Variants in TPH1 observed in about 807,000 individuals in gnomAD.
The protein encoded by TPH1 is tryptophan 5-hydroxylase 1.
Under a neutral mutation model 49.5 loss-of-function variants are expected in TPH1, and 37 were observed. The ratio of observed to expected loss-of-function variants is 0.75; its 90% confidence interval spans 0.58 to 0.98. The LOEUF is 0.98. Among genes scored for constraint, TPH1 ranks in the 50% least tolerant of loss-of-function variants. The pLI, the probability that TPH1 is intolerant of heterozygous loss-of-function variation, is 0.00. For missense variants in TPH1, 487 were observed against 523.6 expected (o/e 0.93, Z 0.68); for synonymous variants, 160 against 182.1 (o/e 0.88, Z 0.98).
chr11:18,025,518 C>T lies in TPH1; in HGVS notation c.930+57G>A, dbSNP rs1257139809. The T allele has an allele frequency of 5.0e-6, 8 of 1,610,206 alleles. No homozygotes were observed. In the East Asian group the frequency reaches 1.6e-4, roughly 31 times the overall value. On this transcript the variant is annotated intron_variant, in intron 8 of 10. Transcript: ENST00000682019. ...ATTCTGAATATGTACTTTTAAACTA[C>T]ACAGATACTCATACACCCTACCCCA...
intron 8 of TPH1, among the ~76,000 whole-genome samples, chr11:18,025,326 T>C (rs1048272822): frequency 1.1e-4 from 16 of 152,158 alleles, no homozygotes; most frequent in African/African-American, 3.9e-4. Context: ...AAACAAATTT[T>C]CTTTTCCTTT....
chr11:18,021,880 T>G (rs1326818943), intron 10 of TPH1, among the ~76,000 whole-genome samples: 1 of 152,170 alleles, frequency 6.6e-6, no homozygotes, highest in East Asian at 1.9e-4. Flanking sequence ...TGAGGACAAC[T>G]ATACATCAGT....
In TPH1 at chr11:18,025,646, C is replaced by A. The variant is rs1177581550; in HGVS notation, c.859G>T (p.Ala287Ser). The change falls in exon 8 of 11, where the codon GCC (alanine) becomes TCC (serine). Residue 287 changes from alanine to serine, a missense_variant. Physicochemically the swap from Ala to Ser is moderately conservative, Grantham distance 99. Transcript: ENST00000682019. ...AAGCCAATTTCTTGGGAGAATTGGG[C>A]AAAACTAGGTTCAGCCAAAAGCGGG... The part of the protein sequence containing the change: ...HVPLLAEPSF[A>S]QFSQEIGLAS... The A allele has an allele frequency of 3.1e-6, 5 of 1,613,914 alleles. No homozygotes were observed. The highest frequency in any genetic ancestry group is 1.7e-6 in the Non-Finnish European group (2 of 1,179,916).
intron 6 of TPH1, among the ~76,000 whole-genome samples, chr11:18,027,396 T>A (rs1036726248): frequency 1.3e-5 from 2 of 152,262 alleles, no homozygotes; most frequent in Admixed American, 6.5e-5. Flanking sequence ...TGCTGTCCGG[T>A]AAGGCAACTA....
At chr11:18,030,480 G>A (rs1847976735) in intron 4 of TPH1, among the ~76,000 whole-genome samples, 1 of 151,464 alleles carries the variant, frequency 6.6e-6, no homozygotes. Flanking sequence ...TAATGGGAAA[G>A]AAGGGGACAT....
In TPH1 at chr11:18,036,137, C is replaced by T. The variant is rs138464844; in HGVS notation, c.123G>A (p.Lys41=). Residue 41 remains lysine, a synonymous_variant, in exon 3 of 11, where the codon AAG becomes AAA. Transcript: ENST00000682019. The part of the protein sequence containing the change: ...LIKALKIFQE[K]HVNLLHIESR... The stretch of plus-strand genomic sequence containing the variant: ...ACTCGATATGTAACAGATTCACATG[C>T]TTCTCCTGTGTAAAGCACAGGGAAA... The T allele has an allele frequency of 7.4e-6, 12 of 1,612,352 alleles. No individual in the cohort carries two copies. In the African/African-American group the frequency reaches 1.5e-4, roughly 20 times the overall value.
At chr11:18,021,225 A>G (rs977272463) in intron 10 of TPH1, 60 bp from the exon 11 acceptor site, 7 of 1,519,420 alleles carry the variant, frequency 4.6e-6, no homozygotes, top group African/African-American at 1.4e-5. Flanking sequence ...TGAAAACTAA[A>G]CAAACAACAG....
At chr11:18,036,692 G>A (rs1211963264) in intron 2 of TPH1, among the ~76,000 whole-genome samples, 1 of 152,180 alleles carries the variant, frequency 6.6e-6, no homozygotes, top group African/African-American at 2.4e-5. Context: ...AAGTGTGGGA[G>A]GAGGGTATGT....
At chr11:18,025,520 C>T (rs1565235305) in intron 8 of TPH1, 55 bp downstream of exon 8, 4 of 1,609,924 alleles carry the variant, frequency 2.5e-6, no homozygotes, top group Non-Finnish European at 3.4e-6. Context: ...TTAAACTACA[C>T]AGATACTCAT....
intron 10 of TPH1, 119 bp downstream of exon 10, chr11:18,022,677 TAC>T: frequency 9.5e-7 from 1 of 1,048,050 alleles, no homozygotes. Flanking sequence ...GAAGATGTGT[TAC>T]AGACAGAAGG....
Position 18,025,595 on chromosome 11 carries a change from C to T in TPH1, c.910G>A (p.Ala304Thr). The T allele has an allele frequency of 1.2e-6, 2 of 1,613,898 alleles. No individual in the cohort carries two copies. Among genetic ancestry groups the T allele is most frequent in the Non-Finnish European group, 8.5e-7 (1 of 1,179,842 alleles). ...TATACCGTTGCCAGTTTTTGAACAGCCTCCTCTGAAGCGCCAAGAGAAGCC... is the reference window on the plus strand; with the variant it reads ...TATACCGTTGCCAGTTTTTGAACAGTCTCCTCTGAAGCGCCAAGAGAAGCC... The part of the protein sequence containing the change: ...GLASLGASEE[A>T]VQKLATCYFF... The change falls in exon 8 of 11, where the codon GCT (alanine) becomes ACT (threonine). Residue 304 changes from alanine (A) to threonine (T), a missense_variant. Transcript: ENST00000682019.
At chr11:18,038,879 T>A (rs559452639) in intron 2 of TPH1, among the ~76,000 whole-genome samples, 1 of 152,194 alleles carries the variant, frequency 6.6e-6, no homozygotes, top group East Asian at 1.9e-4. Flanking sequence ...AAAGTAATAA[T>A]AAAAGTATCA....
intron 10 of TPH1, among the ~76,000 whole-genome samples, chr11:18,021,727 C>G (rs948493219): frequency 5.9e-5 from 9 of 152,124 alleles, no homozygotes; most frequent in African/African-American, 2.2e-4. Flanking sequence ...ATGTTTCCCT[C>G]TAGGCCCCTT....
At chr11:18,028,817 CA>C (rs1308965019) in intron 6 of TPH1, among the ~76,000 whole-genome samples, 6 of 152,114 alleles carry the variant, frequency 3.9e-5, no homozygotes, top group Non-Finnish European at 8.8e-5. Flanking sequence ...GTAATTCCAG[CA>C]CTTTGGGAGG....
In TPH1 at chr11:18,036,017, C is replaced by T; in HGVS notation, c.243G>A (p.Lys81=). The T allele has an allele frequency of 6.2e-7, 1 of 1,612,744 alleles. No individual in the cohort carries two copies. The highest frequency in any genetic ancestry group is 8.5e-7 in the Non-Finnish European group (1 of 1,179,864). Residue 81 remains lysine (K), a synonymous_variant, in exon 3 of 11, where the codon AAG becomes AAA. Transcript: ENST00000682019. ...TCACAGAGAGAACATTGGTATGAGA[C>T]TTCAGCAGATGAAAAATATCATTCA... is the stretch of plus-strand genomic sequence containing the variant. The part of the protein sequence containing the change: ...EQLNDIFHLL[K]SHTNVLSVNL...
intron 3 of TPH1, among the ~76,000 whole-genome samples, chr11:18,035,705 C>T (rs901855510): frequency 2.6e-5 from 4 of 152,154 alleles, no homozygotes; most frequent in African/African-American, 9.7e-5. Context: ...GGATTACAGG[C>T]ATGAGCCACC....
intron 7 of TPH1, among the ~76,000 whole-genome samples, chr11:18,026,177 G>C (rs1847927061): frequency 1.3e-5 from 2 of 151,932 alleles, no homozygotes; most frequent in South Asian, 4.2e-4. Flanking sequence ...TTTATTATCT[G>C]TTTCCCCCAC....
Position 18,029,169 on chromosome 11 carries a change from TA to T in TPH1, c.662del (p.Leu221Ter). ...AAAAATTAATTAGCTTATTACCTTT[TA>T]AAAAGTTGGAGACATCTTCCAATTG... ...IPQLEDVSNFLKERTGFSIRP... is the reference protein window; with the variant it reads ...IPQLEDVSNFXKERTGFSIRP... On this transcript the variant is annotated frameshift_variant, in exon 6 of 11. Coordinates refer to ENST00000682019, the MANE Select transcript of TPH1 (RefSeq NM_004179.3). LOFTEE classifies it high-confidence loss of function. 1 of 1,610,940 alleles carries T rather than the reference TA, an allele frequency of 6.2e-7. No individual in the cohort carries two copies. The highest frequency in any genetic ancestry group is 8.5e-7 in the Non-Finnish European group (1 of 1,177,336).
chr11:18,032,537 CTTTTTTTTTTTTTTTT>C (rs34366393), intron 4 of TPH1, among the ~76,000 whole-genome samples: 1 of 86,304 alleles, frequency 1.2e-5, no homozygotes, highest in Non-Finnish European at 2.1e-5. Context: ...TTGTTGAAAT[CTTTTTTTTTTTTTTTT>C]TTTTTTTTTT....
Sources: gnomAD v4.1 joint callset for allele counts (sites outside exome capture counted in the v4.1 genomes callset) on GRCh38, gnomAD v4.1.1 for gene constraint, MANE v1.5 for transcripts, NCBI Gene and HGNC (gene_info 2026-07-23, HGNC 2026-07-21) for gene names.